GLRA3: variants seen among roughly 807,000 people sequenced by gnomAD.
The protein encoded by GLRA3 is glycine receptor subunit alpha-3.
In GLRA3, 44 loss-of-function variants were observed where a neutral mutation model predicts 60.4. The ratio of observed to expected loss-of-function variants is 0.73; its 90% CI spans 0.57 to 0.94. GLRA3 has a LOEUF of 0.94. Among genes scored for constraint, GLRA3 ranks in the 40% least tolerant of loss-of-function variants. The pLI, the probability that GLRA3 is intolerant of heterozygous loss-of-function variation, is 0.00. For missense variants in GLRA3, 508 were observed against 564.6 expected (o/e 0.90, Z 1.02); for synonymous variants, 223 against 192.9 (o/e 1.16, Z -1.29).
In GLRA3 at chr4:174,640,979, T is replaced by C. The variant is rs1732610135; in HGVS notation, c.*2807A>G. The C allele has an allele frequency of 7.0e-6, 1 of 143,400 alleles. No individual in the cohort carries two copies. Among genetic ancestry groups the C allele is most frequent in the Non-Finnish European group, 1.6e-5 (1 of 62,914 alleles). 8.9% of individuals were successfully genotyped at this position (143,400 alleles called of 1,614,324 possible). Reference sequence around the variant, plus strand: ...CTATTTAAAGTTGTAAAGTAAGTTCTAGAGCCTCATTATGGTTTAAGTTCA... The same window carrying C: ...CTATTTAAAGTTGTAAAGTAAGTTCCAGAGCCTCATTATGGTTTAAGTTCA... On this transcript the variant is annotated 3_prime_UTR_variant, in exon 10 of 10. Coordinates refer to ENST00000274093, the MANE Select transcript of GLRA3 (RefSeq NM_006529.4).
At chr4:174,771,554 C>T (rs916636127) in intron 2 of GLRA3, among the ~76,000 whole-genome samples, 1 of 151,372 alleles carries the variant, frequency 6.6e-6, no homozygotes, top group Non-Finnish European at 1.5e-5. Flanking sequence ...AAAAGGAAAA[C>T]ATAAGAACAT....
chr4:174,782,357 T>A (rs1738916657), intron 2 of GLRA3, among the ~76,000 whole-genome samples: 1 of 151,806 alleles, frequency 6.6e-6, no homozygotes, highest in Admixed American at 6.6e-5. Context: ...CCACAGCCAA[T>A]ATCATACTGA....
intron 2 of GLRA3, among the ~76,000 whole-genome samples, chr4:174,772,499 A>G (rs1738431517): frequency 6.6e-6 from 1 of 152,038 alleles, no homozygotes; most frequent in African/African-American, 2.4e-5. Context: ...AGCAGAAAGA[A>G]GGGTGAATGA....
intron 2 of GLRA3, among the ~76,000 whole-genome samples, chr4:174,786,221 A>G (rs1579606135): frequency 6.6e-6 from 1 of 152,092 alleles, no homozygotes; most frequent in South Asian, 2.1e-4. Flanking sequence ...TCATTTGATG[A>G]GCTAACTAGA....
At chr4:174,720,731 AAGT>A (rs1736097115) in intron 4 of GLRA3, among the ~76,000 whole-genome samples, 1 of 152,166 alleles carries the variant, frequency 6.6e-6, no homozygotes, top group African/African-American at 2.4e-5. Flanking sequence ...CTTGCTATAA[AAGT>A]AGTGGATTCC....
chr4:174,678,385 T>C (rs1046690538), intron 6 of GLRA3, among the ~76,000 whole-genome samples: 5 of 152,212 alleles, frequency 3.3e-5, no homozygotes, highest in Admixed American at 3.3e-4. Context: ...GGTTTAATTG[T>C]TTTTATTTGA....
rs868680520 is a variant in GLRA3 at position 174,756,925 on chromosome 4, C to A, written c.267+10038G>T. Among the ~76,000 whole-genome samples the A allele has an allele frequency of 2.6e-5, 4 of 152,152 alleles. No individual in the cohort carries two copies. The East Asian group carries it at 7.7e-4, about 29-fold the overall frequency. ...CCTCCCAAAGTGCCGGGATTACAGG[C>A]GTGAGCCCCCGCGCCCGGCCAAATG... is the stretch of plus-strand genomic sequence containing the variant. On this transcript the variant is annotated intron_variant, in intron 3 of 9. Transcript: ENST00000274093.
At chr4:174,807,245 A>T (rs1040215747) in intron 1 of GLRA3, among the ~76,000 whole-genome samples, 2 of 152,056 alleles carry the variant, frequency 1.3e-5, no homozygotes, top group African/African-American at 4.8e-5. Context: ...TAACTTACAG[A>T]TAAATTAAAT....
At chr4:174,659,501 T>C (rs924707642) in intron 7 of GLRA3, among the ~76,000 whole-genome samples, 13 of 152,162 alleles carry the variant, frequency 8.5e-5, no homozygotes, top group African/African-American at 3.1e-4. Context: ...CATTGAAATA[T>C]AGATAATGCT....
chr4:174,734,285 C>T (rs755946266), intron 3 of GLRA3, among the ~76,000 whole-genome samples: 1 of 152,122 alleles, frequency 6.6e-6, no homozygotes, highest in Non-Finnish European at 1.5e-5. Context: ...GGTTCCCATG[C>T]GTCAGGAAGC....
chr4:174,727,242 A>G (rs1561080307), intron 4 of GLRA3, among the ~76,000 whole-genome samples: 1 of 152,244 alleles, frequency 6.6e-6, no homozygotes. Context: ...GCAGAAAAAA[A>G]CATTTTCAAA....
intron 5 of GLRA3, among the ~76,000 whole-genome samples, chr4:174,684,607 G>A (rs1734482215): frequency 6.6e-6 from 1 of 152,246 alleles, no homozygotes; most frequent in Admixed American, 6.5e-5. Context: ...TGAGACCTGT[G>A]AGGCAGAATT....
rs1038121162 is a variant in GLRA3, at chr4:174,829,239, C to T, written c.-428G>A. 1 of 162,836 alleles carries T rather than the reference C, an allele frequency of 6.1e-6. No individual in the cohort carries two copies. The highest frequency in any genetic ancestry group is 2.4e-5 in the African/African-American group (1 of 41,768). 10.1% of individuals were successfully genotyped at this position (162,836 alleles called of 1,614,324 possible). A position where few individuals can be genotyped will look rare whatever the true frequency, so the allele number is the denominator to read the frequency against. On this transcript the variant is annotated 5_prime_UTR_variant, in exon 1 of 10. It adds an upstream start codon to the 5' untranslated region. Transcript: ENST00000274093. ...CCGCCCGCCGGAATCCAGCTCTCCA[C>T]CTTGGGTTAAAACCCGAGACCCGGA...
At chr4:174,757,176 G>T (rs1283762790) in intron 3 of GLRA3, among the ~76,000 whole-genome samples, 2 of 152,098 alleles carry the variant, frequency 1.3e-5, no homozygotes, top group Non-Finnish European at 2.9e-5. Flanking sequence ...ATTGAATTAA[G>T]TTATCAAGTT....
intron 1 of GLRA3, among the ~76,000 whole-genome samples, chr4:174,790,831 A>C (rs1739311456): frequency 6.8e-6 from 1 of 146,484 alleles, no homozygotes; most frequent in Admixed American, 6.8e-5. Context: ...AATACAAAAA[A>C]AAAAAAAAAA....
intron 3 of GLRA3, among the ~76,000 whole-genome samples, chr4:174,765,185 G>T (rs1579571016): frequency 1.6e-5 from 1 of 64,266 alleles, no homozygotes; most frequent in East Asian, 0.021. Context: ...TATAAAGTCT[G>T]GCTAAATTGT....
chr4:174,742,247 C>G (rs1416793400), intron 3 of GLRA3, among the ~76,000 whole-genome samples: 1 of 152,070 alleles, frequency 6.6e-6, no homozygotes, highest in Non-Finnish European at 1.5e-5. Context: ...CAAGGACTCA[C>G]CTAATTAAGT....
chr4:174,671,290 A>T (rs1733895750), intron 7 of GLRA3, among the ~76,000 whole-genome samples: 1 of 152,194 alleles, frequency 6.6e-6, no homozygotes, highest in African/African-American at 2.4e-5. Context: ...ATAACTATTA[A>T]TTGCTATATT....
At chr4:174,711,006 G>T (rs1349698613) in intron 5 of GLRA3, among the ~76,000 whole-genome samples, 1 of 151,732 alleles carries the variant, frequency 6.6e-6, no homozygotes, top group African/African-American at 2.4e-5. Context: ...TTAACATCAA[G>T]TTTTTCTTAA....
Sources: gnomAD v4.1 joint callset for allele counts (sites outside exome capture counted in the v4.1 genomes callset) on GRCh38, gnomAD v4.1.1 for gene constraint, MANE v1.5 for transcripts, NCBI Gene and HGNC (gene_info 2026-07-23, HGNC 2026-07-21) for gene names.